DOCK9: variants seen among roughly 807,000 people sequenced by gnomAD.
The protein encoded by DOCK9 is dedicator of cytokinesis protein 9.
In DOCK9, 89 loss-of-function variants were observed where a neutral mutation model predicts 263.3. The ratio of observed to expected loss-of-function variants is 0.34; its 90% CI spans 0.28 to 0.40. The LOEUF is 0.40. Ranked by LOEUF, DOCK9 falls within the 10% of genes least tolerant of loss-of-function variation. The pLI is 1.00. For missense variants in DOCK9, 2,140 were observed against 2,603.4 expected (o/e 0.82, Z 3.87); for synonymous variants, 976 against 973.1 (o/e 1.00, Z -0.06).
At chr13:98,871,435 G>A (rs550666882) in intron 27 of DOCK9, among the ~76,000 whole-genome samples, 1 of 152,376 alleles carries the variant, frequency 6.6e-6, no homozygotes, top group South Asian at 2.1e-4. Context: ...ACTCATGCCT[G>A]TGAAGGCTGA....
At chr13:99,086,198 C>T (rs1596074248) in intron 1 of DOCK9, 5 of 1,480,816 alleles carry the variant, frequency 3.4e-6, no homozygotes, top group Non-Finnish European at 4.5e-6. Flanking sequence ...CATCCTCCCC[C>T]GGCCCGCGGT....
intron 1 of DOCK9, among the ~76,000 whole-genome samples, chr13:98,975,472 TAC>T (rs146581245): frequency 0.055 from 7,835 of 142,300 alleles, 261 homozygotes; most frequent in East Asian, 0.11. Flanking sequence ...TCTAAACACA[TAC>T]ACACACACAC....
chr13:98,896,126 C>T (rs2047388616), intron 15 of DOCK9, among the ~76,000 whole-genome samples: 1 of 152,182 alleles, frequency 6.6e-6, no homozygotes, highest in South Asian at 2.1e-4. Flanking sequence ...TGCATGTTAG[C>T]AAAACTGAGG....
chr13:98,920,917 T>C (rs775001602), intron 7 of DOCK9, 37 bp downstream of exon 7: 1 of 1,555,982 alleles, frequency 6.4e-7, no homozygotes, highest in Non-Finnish European at 8.7e-7. Flanking sequence ...CTACTGCAGA[T>C]AAGAAAACAT....
chr13:98,951,312 G>A lies in DOCK9; in HGVS notation c.243+4123C>T, dbSNP rs146227375. Among the ~76,000 whole-genome samples, 19 of 152,114 alleles carry A rather than the reference G, an allele frequency of 1.2e-4. No individual in the cohort carries two copies. The East Asian group carries it at 2.7e-3, about 22-fold the overall frequency. On this transcript the variant is annotated intron_variant, in intron 2 of 52. Transcript: ENST00000682017. ...TGCAAATATTTTTACAAATCTAGTC[G>A]CTGGGACTATCACATGTTCCAAACA... is the stretch of plus-strand genomic sequence containing the variant.
chr13:98,950,321 C>T, intron 2 of DOCK9: 1 of 818,380 alleles, frequency 1.2e-6, no homozygotes, highest in Non-Finnish European at 2.0e-6. Flanking sequence ...AGCTGTTTTC[C>T]TTTCTTCTGC....
intron 1 of DOCK9, among the ~76,000 whole-genome samples, chr13:98,972,399 A>G (rs2059824027): frequency 7.1e-6 from 1 of 140,118 alleles, no homozygotes; most frequent in Non-Finnish European, 1.5e-5. Context: ...TTTAGTTTTT[A>G]GTTTTCTATA....
At chr13:98,973,534 T>C (rs2059940236) in intron 1 of DOCK9, among the ~76,000 whole-genome samples, 1 of 152,160 alleles carries the variant, frequency 6.6e-6, no homozygotes, top group Admixed American at 6.5e-5. Flanking sequence ...AGAACTAAAA[T>C]TCTGCTTTTA....
intron 2 of DOCK9, among the ~76,000 whole-genome samples, chr13:98,954,893 C>CACACACACACACACAT: frequency 6.6e-6 from 1 of 151,996 alleles, no homozygotes; most frequent in Non-Finnish European, 1.5e-5. Context: ...CACACACACA[C>CACACACACACACACAT]ACACATTTTG....
At chr13:98,970,554 A>C (rs562602083) in intron 1 of DOCK9, among the ~76,000 whole-genome samples, 1 of 152,080 alleles carries the variant, frequency 6.6e-6, no homozygotes, top group South Asian at 2.1e-4. Context: ...ACAACTCTCC[A>C]TATTAAGGAA....
chr13:98,989,340 G>GATAATAATA (rs1333284731), intron 1 of DOCK9, among the ~76,000 whole-genome samples: 1 of 127,758 alleles, frequency 7.8e-6, no homozygotes, highest in African/African-American at 3.0e-5. Flanking sequence ...TGATGATGAT[G>GATAATAATA]ATGATGATAA....
chr13:99,051,568 G>A (rs984566740), intron 1 of DOCK9, among the ~76,000 whole-genome samples: 1 of 151,994 alleles, frequency 6.6e-6, no homozygotes, highest in East Asian at 1.9e-4. Context: ...AAGGTTATCC[G>A]AATGCTCTAA....
chr13:98,952,820 G>C (rs2057597163), intron 2 of DOCK9, among the ~76,000 whole-genome samples: 1 of 152,164 alleles, frequency 6.6e-6, no homozygotes, highest in South Asian at 2.1e-4. Flanking sequence ...TGGACACCAA[G>C]TTCTATTATT....
At chr13:99,048,430 C>T (rs1264980493) in intron 1 of DOCK9, among the ~76,000 whole-genome samples, 1 of 152,216 alleles carries the variant, frequency 6.6e-6, no homozygotes, top group Non-Finnish European at 1.5e-5. Flanking sequence ...ATAATGCATG[C>T]TCTGTGTTCA....
chr13:99,042,734 T>G (rs562542831), intron 1 of DOCK9, among the ~76,000 whole-genome samples: 7 of 152,238 alleles, frequency 4.6e-5, no homozygotes, highest in Non-Finnish European at 8.8e-5. Flanking sequence ...ACAGAAAGAT[T>G]TGTCACAGTT....
intron 1 of DOCK9, among the ~76,000 whole-genome samples, chr13:99,056,188 GAATA>G (rs1248014296): frequency 1.3e-5 from 2 of 152,096 alleles, no homozygotes; most frequent in Non-Finnish European, 2.9e-5. Flanking sequence ...ATCATTTTTA[GAATA>G]TATATGTAAA....
At chr13:99,056,928 G>A (rs1370363361) in intron 1 of DOCK9, among the ~76,000 whole-genome samples, 3 of 152,216 alleles carry the variant, frequency 2.0e-5, no homozygotes, top group Middle Eastern at 3.2e-3. Flanking sequence ...CCATGACTTG[G>A]TATCGGACCC....
intron 1 of DOCK9, among the ~76,000 whole-genome samples, chr13:98,957,325 G>T (rs1332315962): frequency 6.6e-6 from 1 of 152,204 alleles, no homozygotes; most frequent in Non-Finnish European, 1.5e-5. Context: ...CAGTCAACTT[G>T]CTTTGCCTAT....
chr13:98,986,031 G>C (rs528106227), intron 1 of DOCK9, among the ~76,000 whole-genome samples: 1 of 152,190 alleles, frequency 6.6e-6, no homozygotes. Context: ...TGAAAAACAT[G>C]ATCAAAACTT....
Sources: gnomAD v4.1 joint callset for allele counts (sites outside exome capture counted in the v4.1 genomes callset) on GRCh38, gnomAD v4.1.1 for gene constraint, MANE v1.5 for transcripts, NCBI Gene and HGNC (gene_info 2026-07-23, HGNC 2026-07-21) for gene names.